NTNG1: variants seen among roughly 807,000 people sequenced by gnomAD.
NTNG1 encodes netrin-G1.
Under a neutral mutation model 54.0 loss-of-function variants are expected in NTNG1, and 16 were observed. That is an observed-to-expected ratio of 0.30 (90% CI 0.20 to 0.45). The LOEUF is 0.45. NTNG1 is among the 20% of genes least tolerant of loss of function. The pLI, the probability that NTNG1 is intolerant of heterozygous loss-of-function variation, is 1.00. For missense variants in NTNG1, 530 were observed against 678.7 expected (o/e 0.78, Z 2.43); for synonymous variants, 255 against 263.1 (o/e 0.97, Z 0.30).
At chr1:107,404,686 A>G (rs1673291146) in intron 4 of NTNG1, among the ~76,000 whole-genome samples, 1 of 152,190 alleles carries the variant, frequency 6.6e-6, no homozygotes, top group South Asian at 2.1e-4. Flanking sequence ...CAGATCTGTC[A>G]GGCAAACACA....
At chr1:107,210,057 G>T (rs1659501013) in intron 2 of NTNG1, among the ~76,000 whole-genome samples, 1 of 152,086 alleles carries the variant, frequency 6.6e-6, no homozygotes, top group Non-Finnish European at 1.5e-5. Flanking sequence ...CACAGAAAGG[G>T]GATGCACTTT....
At chr1:107,353,094 G>A (rs1452222021) in intron 3 of NTNG1, among the ~76,000 whole-genome samples, 2 of 152,214 alleles carry the variant, frequency 1.3e-5, no homozygotes, top group African/African-American at 2.4e-5. Flanking sequence ...ATTAACATTT[G>A]CATAAGTAAA....
chr1:107,166,765 A>G (rs1040067531), intron 2 of NTNG1, among the ~76,000 whole-genome samples: 1 of 152,126 alleles, frequency 6.6e-6, no homozygotes, highest in Non-Finnish European at 1.5e-5. Context: ...GTCACTCTTA[A>G]TAACATACCA....
At chr1:107,206,216 T>TTCACTCCCTCATTTCCCTATCCC (rs1659179771) in intron 2 of NTNG1, among the ~76,000 whole-genome samples, 3 of 152,174 alleles carry the variant, frequency 2.0e-5, no homozygotes, top group African/African-American at 7.2e-5. Context: ...GTCCCTGTCC[T>TTCACTCCCTCATTTCCCTATCCC]CCTTCACTCC....
chr1:107,430,804 C>T lies in NTNG1; in HGVS notation c.1142C>T (p.Thr381Ile). The T allele has an allele frequency of 6.2e-7, 1 of 1,613,222 alleles. No individual in the cohort carries two copies. The highest frequency in any genetic ancestry group is 8.5e-7 in the Non-Finnish European group (1 of 1,179,608). ...NRCSYIDLLNTVICVSCKHNT... is the reference protein window; with the variant it reads ...NRCSYIDLLNIVICVSCKHNT... The stretch of plus-strand genomic sequence containing the variant: ...TGCAGTTATATCGATCTGCTAAATA[C>T]AGTCATTTGCGTGAGCTGTAAACAC... Residue 381 changes from threonine to isoleucine, a missense_variant, in exon 6 of 8, where the codon ACA becomes ATA. Coordinates refer to ENST00000370068, the MANE Select transcript of NTNG1 (RefSeq NM_001113226.3).
intron 3 of NTNG1, among the ~76,000 whole-genome samples, chr1:107,349,532 A>G (rs918729675): frequency 1.3e-5 from 2 of 151,990 alleles, no homozygotes; most frequent in Non-Finnish European, 2.9e-5. Context: ...TCCCTTATGT[A>G]TTTCTCCCAA....
intron 2 of NTNG1, among the ~76,000 whole-genome samples, chr1:107,193,904 C>T (rs1450153456): frequency 6.6e-6 from 1 of 151,780 alleles, no homozygotes; most frequent in African/African-American, 2.4e-5. Flanking sequence ...CTCTCTCCTC[C>T]TTAAATGTTT....
intron 7 of NTNG1, among the ~76,000 whole-genome samples, chr1:107,465,387 G>C (rs1225233836): frequency 6.6e-6 from 1 of 152,180 alleles, no homozygotes; most frequent in African/African-American, 2.4e-5. Flanking sequence ...AATGAGAGGA[G>C]GTGCAAGACA....
intron 3 of NTNG1, among the ~76,000 whole-genome samples, chr1:107,393,802 G>T (rs1031894937): frequency 6.6e-6 from 1 of 151,998 alleles, no homozygotes; most frequent in African/African-American, 2.4e-5. Flanking sequence ...AGAAAAACTT[G>T]GCCATTGCTA....
At chr1:107,458,996 G>A (rs1025339507) in intron 7 of NTNG1, among the ~76,000 whole-genome samples, 5 of 152,016 alleles carry the variant, frequency 3.3e-5, no homozygotes, top group Middle Eastern at 3.2e-3. Flanking sequence ...TCTAAATGCT[G>A]TTTTAAAGTC....
At chr1:107,334,158 T>C (rs1333025441) in intron 3 of NTNG1, 1 of 152,020 alleles carries the variant, frequency 6.6e-6, no homozygotes, top group Non-Finnish European at 1.5e-5. Context: ...TATTCTTTTT[T>C]TTTCATTTGC....
intron 2 of NTNG1, among the ~76,000 whole-genome samples, chr1:107,252,575 T>C (rs2101623432): frequency 6.6e-6 from 1 of 152,316 alleles, no homozygotes; most frequent in Non-Finnish European, 1.5e-5. Context: ...AGACTGACTT[T>C]CTCTGCTCAG....
chr1:107,394,771 C>T (rs1016798326), intron 3 of NTNG1, among the ~76,000 whole-genome samples: 3 of 152,120 alleles, frequency 2.0e-5, no homozygotes, highest in Admixed American at 1.3e-4. Flanking sequence ...TAAACCCAAA[C>T]GAAGCCCAGA....
chr1:107,178,031 G>T (rs1042784884), intron 2 of NTNG1, among the ~76,000 whole-genome samples: 1 of 152,004 alleles, frequency 6.6e-6, no homozygotes, highest in African/African-American at 2.4e-5. Context: ...GCTGTCAGCC[G>T]TATTTTTATT....
intron 2 of NTNG1, 87 bp downstream of exon 2, chr1:107,148,926 C>A: frequency 7.4e-7 from 1 of 1,345,410 alleles, no homozygotes; most frequent in Non-Finnish European, 1.0e-6. Flanking sequence ...GAAGACAATT[C>A]ATGCAATAAG....
intron 2 of NTNG1, among the ~76,000 whole-genome samples, chr1:107,218,510 A>T (rs1292213439): frequency 6.6e-6 from 1 of 151,752 alleles, no homozygotes; most frequent in Non-Finnish European, 1.5e-5. Context: ...TTGCCTGAAA[A>T]CCTTGGTTTA....
chr1:107,331,565 A>G (rs1216620260), intron 3 of NTNG1, among the ~76,000 whole-genome samples: 4 of 152,118 alleles, frequency 2.6e-5, no homozygotes, highest in African/African-American at 4.8e-5. Flanking sequence ...TATTTTCTCA[A>G]TGTTAATTTT....
At chr1:107,165,356 T>C (rs1655711486) in intron 2 of NTNG1, among the ~76,000 whole-genome samples, 1 of 152,184 alleles carries the variant, frequency 6.6e-6, no homozygotes. Context: ...AACTTTATTA[T>C]TAAAATTCCT....
chr1:107,255,101 T>C (rs1313531298), intron 2 of NTNG1, among the ~76,000 whole-genome samples: 1 of 152,204 alleles, frequency 6.6e-6, no homozygotes, highest in African/African-American at 2.4e-5. Context: ...GCATTATAAC[T>C]AATATGCATC....
Sources: allele counts gnomAD v4.1 joint callset (sites outside exome capture counted in the v4.1 genomes callset), GRCh38; gene constraint gnomAD v4.1.1; transcripts MANE v1.5; gene names NCBI Gene and HGNC (gene_info 2026-07-23, HGNC 2026-07-21).